CSMD3: variants seen among roughly 807,000 people sequenced by gnomAD.
CSMD3 encodes the protein CUB and sushi domain-containing protein 3.
A neutral mutation model predicts 435.2 loss-of-function variants in CSMD3; 177 were observed. The observed-to-expected ratio is 0.41, with a 90% CI of 0.36 to 0.46. The LOEUF (loss-of-function observed/expected upper bound fraction) is 0.46. Ranked by LOEUF, CSMD3 falls within the 20% of genes least tolerant of loss-of-function variation. The pLI, the probability that CSMD3 is intolerant of heterozygous loss-of-function variation, is 0.34. For missense variants in CSMD3, 4,265 were observed against 4,504.6 expected (o/e 0.95, Z 1.52); for synonymous variants, 1,656 against 1,520.5 (o/e 1.09, Z -2.07).
intron 1 of CSMD3, among the ~76,000 whole-genome samples, chr8:113,385,329 A>G (rs1448286872): frequency 2.0e-5 from 3 of 152,070 alleles, no homozygotes; most frequent in East Asian, 3.8e-4. Context: ...ACAAATAAAA[A>G]CCACAATCAT....
chr8:113,055,329 C>A (rs2088277289), intron 5 of CSMD3, among the ~76,000 whole-genome samples: 1 of 152,112 alleles, frequency 6.6e-6, no homozygotes, highest in African/African-American at 2.4e-5. Context: ...AGAAGTATTT[C>A]ATAGGTTCTC....
At chr8:112,329,627 T>A (rs989269981) in intron 45 of CSMD3, among the ~76,000 whole-genome samples, 1 of 152,134 alleles carries the variant, frequency 6.6e-6, no homozygotes, top group Non-Finnish European at 1.5e-5. Context: ...TCACTCATTA[T>A]CATGAGCTAA....
chr8:112,811,148 A>T (rs2079214363), intron 12 of CSMD3, among the ~76,000 whole-genome samples: 2 of 127,124 alleles, frequency 1.6e-5, no homozygotes, highest in South Asian at 5.6e-4. Flanking sequence ...ATATATTTTG[A>T]TAACTGCAAA....
At chr8:113,337,324 G>A (rs1209625172) in intron 1 of CSMD3, among the ~76,000 whole-genome samples, 1 of 152,062 alleles carries the variant, frequency 6.6e-6, no homozygotes, top group Non-Finnish European at 1.5e-5. Flanking sequence ...GTATGTCTAT[G>A]CCATATTCCT....
chr8:112,267,715 A>T (rs1292162326), intron 59 of CSMD3, among the ~76,000 whole-genome samples: 1 of 152,144 alleles, frequency 6.6e-6, no homozygotes, highest in Admixed American at 6.6e-5. Flanking sequence ...GAGAGGACAG[A>T]GCGTTTATTT....
At chr8:112,396,304 GAC>G (rs1248107146) in intron 35 of CSMD3, among the ~76,000 whole-genome samples, 4 of 152,090 alleles carry the variant, frequency 2.6e-5, no homozygotes, top group African/African-American at 9.7e-5. Flanking sequence ...ATTGAACTAA[GAC>G]AGAAAAACAA....
intron 1 of CSMD3, among the ~76,000 whole-genome samples, chr8:113,321,410 C>T (rs933185647): frequency 6.6e-6 from 1 of 152,000 alleles, no homozygotes; most frequent in African/African-American, 2.4e-5. Context: ...TTCTTCTAGA[C>T]AGAGGAAGGA....
At chr8:112,520,574 T>C (rs1403159623) in intron 27 of CSMD3, among the ~76,000 whole-genome samples, 1 of 151,938 alleles carries the variant, frequency 6.6e-6, no homozygotes, top group Non-Finnish European at 1.5e-5. Context: ...GCAAGAAATA[T>C]AGAACAATTT....
At chr8:112,889,512 C>G (rs2081716521) in intron 10 of CSMD3, among the ~76,000 whole-genome samples, 1 of 151,710 alleles carries the variant, frequency 6.6e-6, no homozygotes, top group Admixed American at 6.6e-5. Flanking sequence ...AGATCTCAAG[C>G]TGCCCAAGTA....
Position 112,950,336 on chromosome 8 carries a change from A to C in CSMD3, c.1421-2459T>G, listed in dbSNP as rs181597410. Among the ~76,000 whole-genome samples, 5 of 151,992 alleles carry C rather than the reference A, an allele frequency of 3.3e-5. No homozygotes were observed. The South Asian group carries it at 1.0e-3, about 32-fold the overall frequency. Reference sequence around the variant, plus strand: ...TATGTTTATTAAAATGTGACTTTTTAAAATGTGGCATGAAAATGAGGAAAA... The same window carrying C: ...TATGTTTATTAAAATGTGACTTTTTCAAATGTGGCATGAAAATGAGGAAAA... On this transcript the variant is annotated intron_variant, in intron 8 of 70. Coordinates refer to ENST00000297405, the MANE Select transcript of CSMD3 (RefSeq NM_198123.2).
At chr8:112,394,755 A>G (rs938827513) in intron 35 of CSMD3, among the ~76,000 whole-genome samples, 10 of 152,214 alleles carry the variant, frequency 6.6e-5, no homozygotes, top group Non-Finnish European at 1.3e-4. Context: ...ACTCCCCAAA[A>G]GAAAAGAATA....
intron 4 of CSMD3, among the ~76,000 whole-genome samples, chr8:113,150,451 C>T (rs539695889): frequency 1.4e-4 from 21 of 152,048 alleles, no homozygotes; most frequent in African/African-American, 5.1e-4. Context: ...AAGCCTCAGT[C>T]TTAAGCTATA....
intron 6 of CSMD3, among the ~76,000 whole-genome samples, chr8:113,000,065 G>A (rs1455151757): frequency 6.6e-6 from 1 of 151,976 alleles, no homozygotes; most frequent in East Asian, 1.9e-4. Context: ...GGATGACCCA[G>A]AACTTTAGGC....
At chr8:112,889,341 C>T (rs1422244167) in intron 10 of CSMD3, among the ~76,000 whole-genome samples, 1 of 151,602 alleles carries the variant, frequency 6.6e-6, no homozygotes, top group African/African-American at 2.4e-5. Context: ...CTTTCAGCAG[C>T]CAAGTCTGGA....
chr8:113,415,787 T>G (rs2129868068), intron 1 of CSMD3, among the ~76,000 whole-genome samples: 1 of 152,238 alleles, frequency 6.6e-6, no homozygotes. Flanking sequence ...TGCTTCTCTA[T>G]GAACAAATTT....
chr8:113,014,224 T>C (rs1295020922), intron 6 of CSMD3, among the ~76,000 whole-genome samples: 1 of 152,180 alleles, frequency 6.6e-6, no homozygotes, highest in East Asian at 1.9e-4. Context: ...AAGTTGGCAC[T>C]GTGGTTCCCA....
At chr8:113,347,721 T>C (rs2094161613) in intron 1 of CSMD3, among the ~76,000 whole-genome samples, 1 of 152,148 alleles carries the variant, frequency 6.6e-6, no homozygotes, top group Non-Finnish European at 1.5e-5. Flanking sequence ...TCCCACCTGC[T>C]GACAGACGGC....
chr8:112,697,170 A>G (rs889972382), intron 13 of CSMD3, among the ~76,000 whole-genome samples: 22 of 152,090 alleles, frequency 1.4e-4, no homozygotes, highest in Admixed American at 1.3e-3. Flanking sequence ...ACAGTGTGGC[A>G]ATTCCTCAAG....
At chr8:112,296,204 C>A (rs1199476352) in intron 53 of CSMD3, among the ~76,000 whole-genome samples, 198 bp from the exon 54 acceptor site, 1 of 152,032 alleles carries the variant, frequency 6.6e-6, no homozygotes, top group Non-Finnish European at 1.5e-5. Flanking sequence ...AAAGAAGACA[C>A]GTGTCTAGTG....
Sources: gnomAD v4.1 joint callset for allele counts (sites outside exome capture counted in the v4.1 genomes callset) on GRCh38, gnomAD v4.1.1 for gene constraint, MANE v1.5 for transcripts, NCBI Gene and HGNC (gene_info 2026-07-23, HGNC 2026-07-21) for gene names.